Variants in GPSM2 observed in about 807,000 individuals in gnomAD.
The protein encoded by GPSM2 is G protein signaling modulator 2.
In GPSM2, 58 loss-of-function variants were observed where a neutral mutation model predicts 78.4. The observed-to-expected ratio is 0.74, with a 90% CI of 0.60 to 0.92. GPSM2 has a LOEUF of 0.92. GPSM2 is among the 40% of genes least tolerant of loss of function. The probability of loss-of-function intolerance (pLI) is 0.00; values close to 1 mark genes in which losing one functional copy is unlikely to be tolerated. For synonymous variants in GPSM2, 224 were observed against 280.2 expected (o/e 0.80, Z 2.00); for missense variants, 700 against 815.5 (o/e 0.86, Z 1.73).
Position 108,901,958 on chromosome 1 carries a change from T to A in GPSM2, c.953+13T>A. On this transcript the variant is annotated intron_variant, in intron 8 of 14. Coordinates refer to ENST00000264126, the MANE Select transcript of GPSM2 (RefSeq NM_013296.5). ...AGCTGAATGATAGGTATGTTTTACGTCTTTTTACCATAACTAAGGTAAAAT... is the reference window on the plus strand; with the variant it reads ...AGCTGAATGATAGGTATGTTTTACGACTTTTTACCATAACTAAGGTAAAAT... 2 of 1,584,996 alleles carry A rather than the reference T, an allele frequency of 1.3e-6. No homozygotes were observed. Among genetic ancestry groups the A allele is most frequent in the Non-Finnish European group, 1.7e-6 (2 of 1,153,472 alleles).
chr1:108,922,471 T>C lies in GPSM2; in HGVS notation c.1495T>C (p.Phe499Leu). Reference sequence around the variant, plus strand: ...AGGGTTCTTTGACTTATTAAGCCGATTTCAAAGCAATAGGATGGATGATCA... The same window carrying C: ...AGGGTTCTTTGACTTATTAAGCCGACTTCAAAGCAATAGGATGGATGATCA... Reference protein sequence around the residue: ...DEGFFDLLSRFQSNRMDDQRC... With the variant: ...DEGFFDLLSRLQSNRMDDQRC... Residue 499 changes from phenylalanine (F) to leucine (L), a missense_variant, in exon 13 of 15, where the codon TTT becomes CTT. Transcript: ENST00000264126. 1 of 1,612,690 alleles carries C rather than the reference T, an allele frequency of 6.2e-7. No individual in the cohort carries two copies. The highest frequency in any genetic ancestry group is 8.5e-7 in the Non-Finnish European group (1 of 1,178,772).
chr1:108,889,433 C>CTA (rs1278697675), intron 2 of GPSM2, among the ~76,000 whole-genome samples: 14 of 152,204 alleles, frequency 9.2e-5, no homozygotes, highest in African/African-American at 3.4e-4. Flanking sequence ...GAGGAACAGG[C>CTA]TATGACCTAA....
chr1:108,918,919 CTA>C (rs1179101679), intron 12 of GPSM2, 130 bp downstream of exon 12: 1 of 668,862 alleles, frequency 1.5e-6, no homozygotes, highest in Non-Finnish European at 2.6e-6. Context: ...TCATATTTCC[CTA>C]TCTTTTCTAT....
chr1:108,902,939 T>C (rs1309277757), intron 8 of GPSM2, among the ~76,000 whole-genome samples, 187 bp from the exon 9 acceptor site: 1 of 152,226 alleles, frequency 6.6e-6, no homozygotes, highest in East Asian at 1.9e-4. Context: ...TAGTATTATG[T>C]GGGTATTCTT....
Position 108,934,521 on chromosome 1 carries a change from A to T in GPSM2, c.*4581A>T. On this transcript the variant is annotated 3_prime_UTR_variant, in exon 15 of 15. Coordinates refer to ENST00000264126, the MANE Select transcript of GPSM2 (RefSeq NM_013296.5). ...GTGTTTGTTAATTCTAATTGTCAGT[A>T]AAAATGTGAATGTTGAAGTTGAAAT... 1 of 865,500 alleles carries T rather than the reference A, an allele frequency of 1.2e-6. No homozygotes were observed. 53.6% of individuals were successfully genotyped at this position (865,500 alleles called of 1,614,324 possible).
chr1:108,929,541 C>A, intron 14 of GPSM2, 160 bp from the exon 15 acceptor site: 1 of 675,500 alleles, frequency 1.5e-6, no homozygotes, highest in Admixed American at 2.8e-5. Flanking sequence ...AGAAATCAGG[C>A]TGGGAACTAA....
chr1:108,917,611 C>CACACACATATATATAT (rs1312607573), intron 11 of GPSM2, among the ~76,000 whole-genome samples: 10 of 22,686 alleles, frequency 4.4e-4, no homozygotes, highest in East Asian at 2.2e-3. Context: ...CACACACACA[C>CACACACATATATATAT]ATATATATAT....
rs1360181859 is a variant in GPSM2 at position 108,931,721 on chromosome 1, C to T, written c.*1781C>T. On this transcript the variant is annotated 3_prime_UTR_variant, in exon 15 of 15. Coordinates refer to ENST00000264126, the MANE Select transcript of GPSM2 (RefSeq NM_013296.5). Reference sequence around the variant, plus strand: ...GATGTCCTGGATAGCATTTTAAAAACTCAGGTAAGTTTCATGGGGTTCTTA... The same window carrying T: ...GATGTCCTGGATAGCATTTTAAAAATTCAGGTAAGTTTCATGGGGTTCTTA... 2 of 408,828 alleles carry T rather than the reference C, an allele frequency of 4.9e-6. No homozygotes were observed. The highest frequency in any genetic ancestry group is 4.2e-5 in the African/African-American group (2 of 47,738). 25.3% of individuals were successfully genotyped at this position (408,828 alleles called of 1,614,324 possible).
At chr1:108,879,825 G>A (rs374510103) in intron 1 of GPSM2, among the ~76,000 whole-genome samples, 1 of 152,074 alleles carries the variant, frequency 6.6e-6, no homozygotes, top group African/African-American at 2.4e-5. Context: ...AAAAAAAAAG[G>A]GGGGGCTGAA....
At chr1:108,897,766 GA>G (rs951121267) in intron 4 of GPSM2, 139 bp downstream of exon 4, 26 of 973,284 alleles carry the variant, frequency 2.7e-5, no homozygotes, top group Non-Finnish European at 3.3e-5. Context: ...AGAAGTAAAA[GA>G]AAAAAAATTT....
intron 2 of GPSM2, among the ~76,000 whole-genome samples, chr1:108,889,516 T>C (rs994056170): frequency 5.3e-5 from 8 of 152,210 alleles, no homozygotes; most frequent in Admixed American, 4.6e-4. Flanking sequence ...GAACATAAGG[T>C]ACATTGATTT....
At chr1:108,890,782 AACACTAAGTAACCTCCTAAGGGGAC>A (rs1233085271) in intron 2 of GPSM2, among the ~76,000 whole-genome samples, 2 of 152,176 alleles carry the variant, frequency 1.3e-5, no homozygotes, top group South Asian at 4.1e-4. Context: ...TGTTTCTTGG[AACACTAAGTAACCTCCTAAGGGGAC>A]ATCAGAATGC....
rs754166364 is a variant in GPSM2 at position 108,914,344 on chromosome 1, G to A, written c.1199G>A (p.Arg400His). 61 of 1,608,634 alleles carry A rather than the reference G, an allele frequency of 3.8e-5. No individual in the cohort carries two copies. In the Middle Eastern group the frequency reaches 2.0e-3, roughly 52 times the overall value. The change falls in exon 11 of 15, where the codon CGC (arginine) becomes CAC (histidine). Residue 400 changes from arginine to histidine, a missense_variant. Arg to His is a conservative substitution (Grantham distance 29). Coordinates refer to ENST00000264126, the MANE Select transcript of GPSM2 (RefSeq NM_013296.5). ...TEIDSSLNGV[R>H]PKLGRRHSME... ...TAATTTTTTTTAAACAAAGGTGTACGCCCCAAGTTGGGACGCCGGCATAGT... is the reference window on the plus strand; with the variant it reads ...TAATTTTTTTTAAACAAAGGTGTACACCCCAAGTTGGGACGCCGGCATAGT...
Position 108,917,647 on chromosome 1 carries a change from TA to T in GPSM2, c.1264-965del. Among the ~76,000 whole-genome samples the T allele has an allele frequency of 7.1e-5, 2 of 28,192 alleles. 1 individual carries two copies. The highest frequency in any genetic ancestry group is 2.3e-3 in the South Asian group (2 of 866). The allele number at this position is 28,192 out of a possible 152,430, so 18.5% of individuals were successfully genotyped here. A position where few individuals can be genotyped will look rare whatever the true frequency, so the allele number is the denominator to read the frequency against. On this transcript the variant is annotated intron_variant, in intron 11 of 14. Transcript: ENST00000264126. ...ATATATATATATATATATATATATA[TA>T]TATATATATATATATATAAATGAGT...
chr1:108,919,666 C>T (rs1650551555), intron 12 of GPSM2, among the ~76,000 whole-genome samples: 1 of 151,838 alleles, frequency 6.6e-6, no homozygotes, highest in African/African-American at 2.4e-5. Context: ...GATCATGCCA[C>T]TACACTCCAG....
chr1:108,918,803 A>G lies in GPSM2; in HGVS notation c.1440+14A>G. ...AATTCTCAGAGGGTACGTTTAAACT[A>G]AGTTTTTGAGTATTGTGTTTTGAGT... On this transcript the variant is annotated intron_variant, in intron 12 of 14. Transcript: ENST00000264126. 1.9e-6 allele frequency: 3 copies of G among 1,589,024 alleles called. No homozygotes were observed. The highest frequency in any genetic ancestry group is 2.6e-6 in the Non-Finnish European group (3 of 1,157,316).
At chr1:108,918,901 C>A in intron 12 of GPSM2, 112 bp downstream of exon 12, 1 of 720,988 alleles carries the variant, frequency 1.4e-6, no homozygotes, top group South Asian at 1.6e-5. Context: ...TATAAAATAT[C>A]TTTGTATTCA....
chr1:108,929,997 T>G lies in GPSM2; in HGVS notation c.*57T>G, dbSNP rs1651653309. ...CACGGTAAGGAAACAATCTATTACT[T>G]TTTTCCTTAAAAGGAGAATTTATAG... On this transcript the variant is annotated 3_prime_UTR_variant, in exon 15 of 15. Coordinates refer to ENST00000264126, the MANE Select transcript of GPSM2 (RefSeq NM_013296.5). 6.6e-6 allele frequency: 10 copies of G among 1,512,674 alleles called. No individual in the cohort carries two copies. The highest frequency in any genetic ancestry group is 9.1e-6 in the Non-Finnish European group (10 of 1,095,370). 93.7% of individuals were successfully genotyped at this position (1,512,674 alleles called of 1,614,324 possible).
chr1:108,922,971 A>C (rs1402387997), intron 13 of GPSM2, among the ~76,000 whole-genome samples: 1 of 152,086 alleles, frequency 6.6e-6, no homozygotes, highest in African/African-American at 2.4e-5. Flanking sequence ...TAGCCACTGC[A>C]CTCCAGCATG....
Sources: allele counts gnomAD v4.1 joint callset (sites outside exome capture counted in the v4.1 genomes callset), GRCh38; gene constraint gnomAD v4.1.1; transcripts MANE v1.5; gene names NCBI Gene and HGNC (gene_info 2026-07-23, HGNC 2026-07-21).